ERMARD: variants seen among roughly 807,000 people sequenced by gnomAD.
The protein encoded by ERMARD is ER membrane associated RNA degradation.
In ERMARD, 71 loss-of-function variants were observed where a neutral mutation model predicts 83.9. That is an observed-to-expected ratio of 0.85 (90% CI 0.70 to 1.03). ERMARD has a LOEUF of 1.03. Ranked by LOEUF, ERMARD falls within the 50% of genes least tolerant of loss-of-function variation. ERMARD has a pLI of 0.00. For missense variants in ERMARD, 838 were observed against 810.9 expected (o/e 1.03, Z -0.41); for synonymous variants, 284 against 298.6 (o/e 0.95, Z 0.50).
Position 169,757,858 on chromosome 6 carries a change from C to T in ERMARD, c.507+1050C>T, listed in dbSNP as rs79123754. 2.3e-3 allele frequency among the ~76,000 whole-genome samples: 347 copies of T among 152,360 alleles called. 1 individual carries two copies. Among genetic ancestry groups the T allele is most frequent in the African/African-American group, 7.8e-3 (326 of 41,578 alleles). On this transcript the variant is annotated intron_variant, in intron 5 of 17. Coordinates refer to ENST00000366773, the MANE Select transcript of ERMARD (RefSeq NM_018341.3). ...GAATGAAGATAAAAAGTACAAACCT[C>T]TTGTTACACTGAATTCTCAAACACA...
In ERMARD at chr6:169,776,629, G is replaced by A. The variant is rs144899015; in HGVS notation, c.1695G>A (p.Thr565=). The part of the protein sequence containing the change: ...ELRHRQWVER[T]LRSRQRQNYL... ...GACACAGGCAGTGGGTGGAAAGGAC[G>A]CTGCGGTCTCGCCAGCGGCAGAACT... Residue 565 remains threonine, a synonymous_variant, in exon 16 of 18, where the codon ACG becomes ACA. Transcript: ENST00000366773. 769 of 1,614,190 alleles carry A rather than the reference G, an allele frequency of 4.8e-4. 9 individuals are homozygous for A. In the African/African-American group the frequency reaches 9.0e-3, roughly 19 times the overall value.
At chr6:169,770,067 TCA>T (rs1792712462) in intron 12 of ERMARD, among the ~76,000 whole-genome samples, 1 of 152,262 alleles carries the variant, frequency 6.6e-6, no homozygotes, top group African/African-American at 2.4e-5. Context: ...GATATTTGCA[TCA>T]TCAATAAACT....
At chr6:169,752,696 A>C (rs1275938300) in intron 1 of ERMARD, among the ~76,000 whole-genome samples, 1 of 152,108 alleles carries the variant, frequency 6.6e-6, no homozygotes, top group Non-Finnish European at 1.5e-5. Context: ...CCCTTAACTC[A>C]ACACACCAAA....
In ERMARD at chr6:169,776,628, C is replaced by A; in HGVS notation, c.1694C>A (p.Thr565Lys). 1.9e-6 allele frequency: 3 copies of A among 1,614,166 alleles called. No individual in the cohort carries two copies. The East Asian group carries it at 6.7e-5, about 36-fold the overall frequency. The part of the protein sequence containing the change: ...ELRHRQWVER[T>K]LRSRQRQNYL... ...AGACACAGGCAGTGGGTGGAAAGGA[C>A]GCTGCGGTCTCGCCAGCGGCAGAAC... Residue 565 changes from threonine to lysine, a missense_variant, in exon 16 of 18, where the codon ACG becomes AAG. Physicochemically the swap from Thr to Lys is moderately conservative, Grantham distance 78. Coordinates refer to ENST00000366773, the MANE Select transcript of ERMARD (RefSeq NM_018341.3).
At position 169,752,682 on chromosome 6, in the gene ERMARD, C is replaced by T. The variant is rs906388932; in HGVS notation, c.6+1019C>T. On this transcript the variant is annotated intron_variant, in intron 1 of 17. Coordinates refer to ENST00000366773, the MANE Select transcript of ERMARD (RefSeq NM_018341.3). ...GCTAATTATGACTGTCACAACACAG[C>T]CCCCCCTTAACTCAACACACCAAAA... Among the ~76,000 whole-genome samples the T allele has an allele frequency of 3.3e-5, 5 of 152,074 alleles. No homozygotes were observed. The East Asian group carries it at 9.6e-4, about 29-fold the overall frequency.
chr6:169,775,472 G>A lies in ERMARD; in HGVS notation c.1394+126G>A, dbSNP rs961695309. On this transcript the variant is annotated intron_variant, in intron 14 of 17. Coordinates refer to ENST00000366773, the MANE Select transcript of ERMARD (RefSeq NM_018341.3). ...AAGGAGGAATTTCTGGGCCTTGGTGGCTGATGCAGGCTGTGGGGAGCTGGA... is the reference window on the plus strand; with the variant it reads ...AAGGAGGAATTTCTGGGCCTTGGTGACTGATGCAGGCTGTGGGGAGCTGGA... The A allele has an allele frequency of 1.1e-5, 11 of 1,013,336 alleles. No individual in the cohort carries two copies. In the Admixed American group the frequency reaches 2.3e-4, roughly 21 times the overall value. The allele number at this position is 1,013,336 out of a possible 1,614,324, so 62.8% of individuals were successfully genotyped here.
intron 2 of ERMARD, among the ~76,000 whole-genome samples, chr6:169,754,528 G>C (rs1790551252): frequency 6.6e-6 from 1 of 152,150 alleles, no homozygotes; most frequent in Admixed American, 6.5e-5. Flanking sequence ...ATACAGATAT[G>C]AAAATGTGTG....
chr6:169,751,758 C>T (rs1790131180), intron 1 of ERMARD, 95 bp downstream of exon 1: 8 of 1,429,136 alleles, frequency 5.6e-6, no homozygotes, highest in Non-Finnish European at 5.5e-6. Context: ...GGCGAGCGAG[C>T]ACGCGCCTGC....
At chr6:169,756,097 G>T (rs754691989) in intron 3 of ERMARD, among the ~76,000 whole-genome samples, 2 of 152,150 alleles carry the variant, frequency 1.3e-5, no homozygotes, top group Non-Finnish European at 2.9e-5. Flanking sequence ...CACTTAAATT[G>T]TGCCAGATTT....
chr6:169,759,557 C>G (rs1203014525), intron 6 of ERMARD, among the ~76,000 whole-genome samples: 1 of 152,096 alleles, frequency 6.6e-6, no homozygotes, highest in Non-Finnish European at 1.5e-5. Flanking sequence ...GTAGCTGGGA[C>G]TACAGGCACA....
At chr6:169,768,069 C>A in intron 10 of ERMARD, 34 bp from the exon 11 acceptor site, 1 of 1,550,324 alleles carries the variant, frequency 6.5e-7, no homozygotes, top group Non-Finnish European at 8.9e-7. Flanking sequence ...GTATGGGGAC[C>A]AGTTAACCAA....
chr6:169,756,698 C>G (rs770232885), intron 4 of ERMARD, 21 bp from the exon 5 acceptor site: 4 of 1,599,478 alleles, frequency 2.5e-6, no homozygotes, highest in Admixed American at 1.7e-5. Flanking sequence ...AACTGTTACA[C>G]AATTTTTGTT....
At chr6:169,762,370 TG>T in intron 8 of ERMARD, 58 bp from the exon 9 acceptor site, 1 of 1,498,992 alleles carries the variant, frequency 6.7e-7, no homozygotes, top group Non-Finnish European at 9.3e-7. Context: ...CCACTGCACC[TG>T]GCCTAATATT....
In ERMARD at chr6:169,776,447, G is replaced by T. The variant is rs1490930681; in HGVS notation, c.1521-8G>T. ...TGATGCCTGCTCCAAGTCTGGCTCT[G>T]TTTGCAGGTGGCCCCAGCTTCTCCG... On this transcript the variant is annotated splice_region_variant and splice_polypyrimidine_tract_variant and intron_variant, in intron 15 of 17. Coordinates refer to ENST00000366773, the MANE Select transcript of ERMARD (RefSeq NM_018341.3). 2 of 1,612,054 alleles carry T rather than the reference G, an allele frequency of 1.2e-6. No homozygotes were observed. The highest frequency in any genetic ancestry group is 1.7e-6 in the Non-Finnish European group (2 of 1,179,222).
intron 9 of ERMARD, 24 bp downstream of exon 9, chr6:169,762,555 T>G (rs1358508418): frequency 1.3e-6 from 2 of 1,574,890 alleles, no homozygotes; most frequent in Non-Finnish European, 8.7e-7. Context: ...TATTATTGAT[T>G]GTGATCATTG....
chr6:169,779,269 T>C lies in ERMARD; in HGVS notation c.1827T>C (p.Asn609=), dbSNP rs149917632. ...ACATTCATGCTGTTTGTGGGAAGAA[T>C]GCGCATGAGTATCAGCAGTACCTAA... ...LVNIHAVCGK[N]AHEYQQYLKF... Residue 609 remains asparagine (N), a synonymous_variant, in exon 17 of 18, where the codon AAT becomes AAC. Transcript: ENST00000366773. 2.4e-5 allele frequency: 38 copies of C among 1,614,086 alleles called. No individual in the cohort carries two copies. The highest frequency in any genetic ancestry group is 1.9e-4 in the African/African-American group (14 of 74,926).
intron 12 of ERMARD, chr6:169,770,402 CT>C (rs1792758860): frequency 6.6e-6 from 1 of 151,990 alleles, no homozygotes. Context: ...CTGCCTTATT[CT>C]TTTTGTCAGC....
intron 15 of ERMARD, 87 bp downstream of exon 15, chr6:169,776,152 T>C: frequency 6.3e-7 from 1 of 1,576,294 alleles, no homozygotes; most frequent in Non-Finnish European, 8.6e-7. Flanking sequence ...GTTTTAGATT[T>C]TATAAACTTG....
In ERMARD at chr6:169,751,663, G is replaced by GGTAGGGCGGGT. The variant is rs759014208; in HGVS notation, c.6+8_6+18dup. 3.2e-6 allele frequency: 5 copies of GGTAGGGCGGGT among 1,558,102 alleles called. No individual in the cohort carries two copies. In the South Asian group the frequency reaches 3.5e-5, roughly 11 times the overall value. Reference sequence around the variant, plus strand: ...GCAGCGGGGCACCGGAAGTTATGGAGGTAGGGCGGGTGTAGGGCCCGGTTC... The same window carrying GGTAGGGCGGGT: ...GCAGCGGGGCACCGGAAGTTATGGAGGTAGGGCGGGTGTAGGGCGGGTGTAGGGCCCGGTTC... On this transcript the variant is annotated frameshift_variant and splice_region_variant. Coordinates refer to ENST00000366773, the MANE Select transcript of ERMARD (RefSeq NM_018341.3). LOFTEE classifies it high-confidence loss of function.
Sources: allele counts gnomAD v4.1 joint callset (sites outside exome capture counted in the v4.1 genomes callset), GRCh38; gene constraint gnomAD v4.1.1; transcripts MANE v1.5; gene names NCBI Gene and HGNC (gene_info 2026-07-23, HGNC 2026-07-21).